The following LCK variants were observed in gnomAD, a reference collection of about 807,000 sequenced individuals.
The protein encoded by LCK is LCK proto-oncogene, Src family tyrosine kinase, also known as tyrosine-protein kinase Lck.
LCK carries 14 observed loss-of-function variants against 64.6 expected under a neutral mutation model. That is an observed-to-expected ratio of 0.22 (90% CI 0.14 to 0.34). LCK has a LOEUF of 0.34. Ranked by LOEUF, LCK falls within the 10% of genes least tolerant of loss-of-function variation. The pLI is 1.00. For missense variants in LCK, 434 were observed against 668.1 expected, an observed-to-expected ratio of 0.65 and a Z score of 3.86; for synonymous variants, 277 against 263.6, an observed-to-expected ratio of 1.05 and a Z score of -0.49.
At chr1:32,273,059 G>T (rs1640153164) in intron 1 of LCK, among the ~76,000 whole-genome samples, 1 of 145,342 alleles carries the variant, frequency 6.9e-6, no homozygotes, top group South Asian at 2.2e-4. Flanking sequence ...CCTGGGTGTG[G>T]GAGCCTGTGT....
Position 32,276,077 on chromosome 1 carries a change from G to A in LCK, c.631+14G>A. 6.2e-7 allele frequency: 1 copy of A among 1,613,582 alleles called. No homozygotes were observed. Among genetic ancestry groups the A allele is most frequent in the Non-Finnish European group, 8.5e-7 (1 of 1,179,938 alleles). On this transcript the variant is annotated intron_variant, in intron 7 of 12. Coordinates refer to ENST00000336890, the MANE Select transcript of LCK (RefSeq NM_005356.5). This position sits in a 1 kb window ranked among gnomAD's most constrained non-coding sequence, Gnocchi z 4.6. ...GCCATTACACCAGTGAGCCCGACGG[G>A]ACCCCTCCCCCGTGCCCTATCAGCC...
At position 32,264,015 on chromosome 1, in the gene LCK, G is replaced by A. The variant is rs760371973; in HGVS notation, c.-5-10310G>A. On this transcript the variant is annotated intron_variant, in intron 1 of 12. Coordinates refer to ENST00000336890, the MANE Select transcript of LCK (RefSeq NM_005356.5). ...ACTTCACAATTACATAGGGACGGTC[G>A]CTGCTATTCATAGTCTCATTCTGTT... Among the ~76,000 whole-genome samples, 4 of 151,938 alleles carry A rather than the reference G, an allele frequency of 2.6e-5. No individual in the cohort carries two copies. The East Asian group carries it at 5.8e-4, about 22-fold the overall frequency.
intron 1 of LCK, among the ~76,000 whole-genome samples, chr1:32,252,919 C>A (rs1230924191): frequency 6.6e-6 from 1 of 152,204 alleles, no homozygotes; most frequent in Admixed American, 6.6e-5. Context: ...GACCTCAGAG[C>A]AAGACCAAAG....
rs1367126763 is a variant in LCK, at chr1:32,279,898, G to C, written c.1099G>C (p.Ala367Pro). The C allele has an allele frequency of 6.2e-7, 1 of 1,614,228 alleles. No individual in the cohort carries two copies. Among genetic ancestry groups the C allele is most frequent in the Non-Finnish European group, 8.5e-7 (1 of 1,180,048 alleles). ...GAATTATATTCATCGTGACCTTCGG[G>C]CTGCCAACATTCTGGTGTCTGACAC... ...ERNYIHRDLRAANILVSDTLS... is the reference protein window; with the variant it reads ...ERNYIHRDLRPANILVSDTLS... Residue 367 changes from alanine to proline, a missense_variant, in exon 11 of 13, where the codon GCT becomes CCT. By Grantham distance (27) the Ala-to-Pro change is conservative. Transcript: ENST00000336890.
intron 1 of LCK, among the ~76,000 whole-genome samples, chr1:32,268,339 G>T (rs1195265636): frequency 2.0e-5 from 3 of 151,728 alleles, no homozygotes; most frequent in Non-Finnish European, 2.9e-5. Flanking sequence ...TAGACAAGGG[G>T]TCTTGTTCTG....
At chr1:32,259,182 A>G (rs1309071765) in intron 1 of LCK, among the ~76,000 whole-genome samples, 1 of 151,732 alleles carries the variant, frequency 6.6e-6, no homozygotes, top group Non-Finnish European at 1.5e-5. Flanking sequence ...GGATTGCTTA[A>G]GCTCAGGAGT....
chr1:32,281,917 A>T (rs566843881), intron 12 of LCK, among the ~76,000 whole-genome samples: 361 of 152,126 alleles, frequency 2.4e-3, no homozygotes, highest in Admixed American at 4.1e-3. Context: ...AATATATATA[A>T]AAATTATCTG....
At chr1:32,280,768 A>G (rs1473303205) in intron 12 of LCK, among the ~76,000 whole-genome samples, 1 of 151,956 alleles carries the variant, frequency 6.6e-6, no homozygotes, top group Non-Finnish European at 1.5e-5. Flanking sequence ...TCTTTTCTTT[A>G]GTTCTGGCCC....
intron 1 of LCK, among the ~76,000 whole-genome samples, chr1:32,263,470 C>T (rs1639836315): frequency 6.6e-6 from 1 of 151,704 alleles, no homozygotes; most frequent in African/African-American, 2.4e-5. Context: ...GGCATGGTGG[C>T]CCATGCCTGC....
intron 1 of LCK, among the ~76,000 whole-genome samples, chr1:32,264,444 C>T (rs1569920694): frequency 1.3e-5 from 2 of 151,922 alleles, no homozygotes; most frequent in African/African-American, 4.8e-5. Context: ...AGCGCTTGAG[C>T]CCAGGAGTTA....
chr1:32,266,363 T>G (rs1225620792), intron 1 of LCK, among the ~76,000 whole-genome samples: 3 of 150,026 alleles, frequency 2.0e-5, no homozygotes, highest in East Asian at 2.0e-4. Context: ...CCGGGCACAG[T>G]GGCGGGCGCC....
At chr1:32,261,460 A>G (rs2124316640) in intron 1 of LCK, among the ~76,000 whole-genome samples, 1 of 151,508 alleles carries the variant, frequency 6.6e-6, no homozygotes, top group South Asian at 2.1e-4. Flanking sequence ...AGCCTAGCCA[A>G]CATAGTGAAA....
chr1:32,279,503 T>G, intron 9 of LCK, 168 bp from the exon 10 acceptor site: 1 of 1,380,868 alleles, frequency 7.2e-7, no homozygotes, highest in Non-Finnish European at 9.9e-7. Context: ...CAAAAAAACC[T>G]TTACATATCC....
At chr1:32,266,362 G>A (rs570322391) in intron 1 of LCK, among the ~76,000 whole-genome samples, 2 of 151,486 alleles carry the variant, frequency 1.3e-5, no homozygotes, top group African/African-American at 4.8e-5. Context: ...GCCGGGCACA[G>A]TGGCGGGCGC....
chr1:32,258,672 C>T (rs1387136471), intron 1 of LCK, among the ~76,000 whole-genome samples: 4 of 144,060 alleles, frequency 2.8e-5, no homozygotes, highest in South Asian at 2.3e-4. Context: ...GGCATGGTGG[C>T]GGGTGCCTGT....
Position 32,275,298 on chromosome 1 carries a change from A to G in LCK, c.279-23A>G, listed in dbSNP as rs776630706. On this transcript the variant is annotated intron_variant, in intron 4 of 12. Transcript: ENST00000336890. The surrounding 1 kb of genome is among the most constrained non-coding windows in gnomAD (Gnocchi z 6.9). ...TCAGGTCGACGGCTGAGCGAGCCAC[A>G]CTGACCCACCTCCGTGGCGCAGGAG... 1 of 1,612,298 alleles carries G rather than the reference A, an allele frequency of 6.2e-7. No individual in the cohort carries two copies. The highest frequency in any genetic ancestry group is 1.3e-5 in the African/African-American group (1 of 74,840).
At chr1:32,270,085 C>G (rs1006349438) in intron 1 of LCK, among the ~76,000 whole-genome samples, 2 of 152,060 alleles carry the variant, frequency 1.3e-5, no homozygotes, top group African/African-American at 4.8e-5. Context: ...CACTTAGACC[C>G]AGCATGAATT....
At chr1:32,265,275 G>A (rs1256363527) in intron 1 of LCK, among the ~76,000 whole-genome samples, 1 of 152,172 alleles carries the variant, frequency 6.6e-6, no homozygotes, top group African/African-American at 2.4e-5. Flanking sequence ...AAAGTATAGT[G>A]GAATTTCCTT....
At chr1:32,273,423 A>AGT (rs1215626719) in intron 1 of LCK, among the ~76,000 whole-genome samples, 4 of 150,628 alleles carry the variant, frequency 2.7e-5, no homozygotes, top group East Asian at 1.9e-4. Flanking sequence ...TGTGTGAGAG[A>AGT]GTGTGTGTGT....
Sources: allele counts gnomAD v4.1 joint callset (sites outside exome capture counted in the v4.1 genomes callset), GRCh38; gene constraint gnomAD v4.1.1; non-coding constraint Gnocchi (gnomAD v3.1); transcripts MANE v1.5; gene names NCBI Gene and HGNC (gene_info 2026-07-23, HGNC 2026-07-21).